QSOX1: variants seen among roughly 807,000 people sequenced by gnomAD.
The protein encoded by QSOX1 is quiescin sulfhydryl oxidase 1.
A neutral mutation model predicts 76.1 loss-of-function variants in QSOX1; 40 were observed. The ratio of observed to expected loss-of-function variants is 0.53; its 90% CI spans 0.41 to 0.68. The LOEUF is 0.68. QSOX1 is among the 30% of genes least tolerant of loss of function. The pLI is 0.00. For missense variants in QSOX1, 931 were observed against 974.3 expected, an observed-to-expected ratio of 0.96 and a Z score of 0.59; for synonymous variants, 392 against 413.1, an observed-to-expected ratio of 0.95 and a Z score of 0.62.
rs1663567093 is a variant in QSOX1 at position 180,198,712 on chromosome 1, C to A, written c.*1675C>A. The A allele has an allele frequency of 3.2e-6, 1 of 307,892 alleles. No homozygotes were observed. Among genetic ancestry groups the A allele is most frequent in the Non-Finnish European group, 6.5e-6 (1 of 153,964 alleles). The allele number at this position is 307,892 out of a possible 1,614,324, so 19.1% of individuals were successfully genotyped here. On this transcript the variant is annotated 3_prime_UTR_variant, in exon 12 of 12. Transcript: ENST00000367602. The stretch of plus-strand genomic sequence containing the variant: ...TCTCTGTGCCCCTGCTCCAGGCACC[C>A]ATTGGCTCCATCCTCCTGGTTGTGC...
intron 9 of QSOX1, 126 bp downstream of exon 9, chr1:180,189,800 C>T (rs1572053397): frequency 2.8e-6 from 3 of 1,083,602 alleles, no homozygotes; most frequent in Non-Finnish European, 3.9e-6. Context: ...TTCGTTGGGT[C>T]CTAACAATAA....
Position 180,196,750 on chromosome 1 carries a change from G to A in QSOX1, c.1957G>A (p.Ala653Thr). 1.2e-6 allele frequency: 2 copies of A among 1,614,124 alleles called. No individual in the cohort carries two copies. The highest frequency in any genetic ancestry group is 1.7e-6 in the Non-Finnish European group (2 of 1,180,026). ...GCGAGACACAGGGGCTGCATTGCTGGCTGAGTCCAGGGCTGAGAAGAACCG... is the reference window on the plus strand; with the variant it reads ...GCGAGACACAGGGGCTGCATTGCTGACTGAGTCCAGGGCTGAGAAGAACCG... ...SKRDTGAALL[A>T]ESRAEKNRLW... The change falls in exon 12 of 12, where the codon GCT becomes ACT. Residue 653 changes from alanine (A) to threonine (T), a missense_variant. Transcript: ENST00000367602. This position sits in a 1 kb window ranked among gnomAD's most constrained non-coding sequence, Gnocchi z 4.1.
At chr1:180,193,773 TC>T (rs1418503568) in intron 10 of QSOX1, among the ~76,000 whole-genome samples, 2 of 151,950 alleles carry the variant, frequency 1.3e-5, no homozygotes, top group Non-Finnish European at 2.9e-5. Context: ...GCAGGCCAGG[TC>T]CAGGCCCGAG....
At chr1:180,184,920 G>T (rs543908272) in intron 7 of QSOX1, among the ~76,000 whole-genome samples, 1 of 152,292 alleles carries the variant, frequency 6.6e-6, no homozygotes, top group African/African-American at 2.4e-5. Flanking sequence ...TGATCATTCC[G>T]TCATTATGAA....
intron 2 of QSOX1, among the ~76,000 whole-genome samples, chr1:180,167,124 C>T (rs1034125050): frequency 1.3e-5 from 2 of 152,216 alleles, no homozygotes; most frequent in Non-Finnish European, 2.9e-5. Context: ...GCCAGCCTGC[C>T]CAGTGCAGGG....
At chr1:180,191,828 C>A (rs963841635) in intron 10 of QSOX1, among the ~76,000 whole-genome samples, 1 of 152,146 alleles carries the variant, frequency 6.6e-6, no homozygotes, top group Non-Finnish European at 1.5e-5. Flanking sequence ...GCTGCACTCA[C>A]AAATGTCAGG....
intron 7 of QSOX1, among the ~76,000 whole-genome samples, chr1:180,184,863 A>C (rs1663134002): frequency 1.3e-5 from 2 of 152,246 alleles, no homozygotes; most frequent in East Asian, 3.8e-4. Flanking sequence ...GACTTTTAGT[A>C]GATCAAGGGA....
chr1:180,189,785 T>G, intron 9 of QSOX1, 111 bp downstream of exon 9: 1 of 1,258,732 alleles, frequency 7.9e-7, no homozygotes, highest in Admixed American at 2.3e-5. Context: ...AGGGAGTCAG[T>G]GATCTTCGTT....
chr1:180,183,169 G>A (rs553624281), intron 6 of QSOX1, among the ~76,000 whole-genome samples: 1 of 152,158 alleles, frequency 6.6e-6, no homozygotes, highest in South Asian at 2.1e-4. Context: ...GCTGCCTCCC[G>A]AGCCATCTGC....
intron 2 of QSOX1, among the ~76,000 whole-genome samples, chr1:180,169,865 G>A (rs1403068982): frequency 6.6e-6 from 1 of 152,254 alleles, no homozygotes; most frequent in Non-Finnish European, 1.5e-5. Context: ...TGCCACAGGA[G>A]TTTGCTGGGC....
chr1:180,192,572 T>C (rs887318722), intron 10 of QSOX1, among the ~76,000 whole-genome samples: 3 of 151,936 alleles, frequency 2.0e-5, no homozygotes, highest in Non-Finnish European at 4.4e-5. Flanking sequence ...GACTTACTGA[T>C]AGATTGGAGG....
intron 10 of QSOX1, among the ~76,000 whole-genome samples, chr1:180,192,279 G>A (rs956748591): frequency 6.6e-6 from 1 of 152,172 alleles, no homozygotes; most frequent in African/African-American, 2.4e-5. Flanking sequence ...AGACAGGCCG[G>A]GGGCGGAGGT....
intron 2 of QSOX1, among the ~76,000 whole-genome samples, chr1:180,169,047 C>G (rs186519822): frequency 6.6e-6 from 1 of 152,390 alleles, no homozygotes; most frequent in African/African-American, 2.4e-5. Flanking sequence ...TGTCTCCAGC[C>G]CCTTGTCACT....
rs145708234 is a variant in QSOX1 at position 180,196,583 on chromosome 1, C to T, written c.1790C>T (p.Pro597Leu). 1,558 of 1,614,174 alleles carry T rather than the reference C, an allele frequency of 9.7e-4. 24 individuals carry two copies. In the South Asian group the frequency reaches 0.015, roughly 16 times the overall value. ...CCCACAAACACCACCCCACATGTGC[C>T]GGCTGAGGGACCTGAGGCAAGTCGA... is the stretch of plus-strand genomic sequence containing the variant. ...KSPTNTTPHV[P>L]AEGPEASRPP... Residue 597 changes from proline to leucine, a missense_variant, in exon 12 of 12, where the codon CCG becomes CTG. By Grantham distance (98) the Pro-to-Leu change is moderately conservative (BLOSUM62 -3). Coordinates refer to ENST00000367602, the MANE Select transcript of QSOX1 (RefSeq NM_002826.5). The surrounding 1 kb of genome is among the most constrained non-coding windows in gnomAD (Gnocchi z 4.1).
intron 10 of QSOX1, 87 bp from the exon 11 acceptor site, chr1:180,194,126 G>A: frequency 2.3e-6 from 3 of 1,322,716 alleles, no homozygotes; most frequent in Non-Finnish European, 3.1e-6. Context: ...ACGGCAGGAT[G>A]GGGGGCGGCA....
rs912124066 is a variant in QSOX1 at position 180,204,025 on chromosome 1, A to T, written c.*6988A>T. On this transcript the variant is annotated 3_prime_UTR_variant, in exon 12 of 12. Coordinates refer to ENST00000367602, the MANE Select transcript of QSOX1 (RefSeq NM_002826.5). ...CCTACTGAAAATAAAGGGCCTAAAG[A>T]CTGAATGAGAGATGCAATTTTTTTT... 5.3e-5 allele frequency: 8 copies of T among 152,188 alleles called. No homozygotes were observed. Among genetic ancestry groups the T allele is most frequent in the Non-Finnish European group, 1.0e-4 (7 of 68,040 alleles). The allele number at this position is 152,188 out of a possible 1,614,324, so 9.4% of individuals were successfully genotyped here.
At chr1:180,174,526 C>T (rs544768774) in intron 2 of QSOX1, among the ~76,000 whole-genome samples, 4 of 152,308 alleles carry the variant, frequency 2.6e-5, no homozygotes, top group African/African-American at 9.6e-5. Flanking sequence ...AGCCTGTAAG[C>T]CCCTTTTCCC....
intron 2 of QSOX1, among the ~76,000 whole-genome samples, chr1:180,169,578 C>G (rs1662716301): frequency 1.3e-5 from 2 of 152,222 alleles, no homozygotes; most frequent in African/African-American, 4.8e-5. Flanking sequence ...CTCCCATATG[C>G]AAGTGCCACC....
intron 6 of QSOX1, 85 bp from the exon 7 acceptor site, chr1:180,183,831 C>T: frequency 7.1e-7 from 1 of 1,409,956 alleles, no homozygotes; most frequent in Non-Finnish European, 9.7e-7. Flanking sequence ...CGATGAGCCA[C>T]CCTTCTTCCT....
Sources: allele counts gnomAD v4.1 joint callset (sites outside exome capture counted in the v4.1 genomes callset), GRCh38; gene constraint gnomAD v4.1.1; non-coding constraint Gnocchi (gnomAD v3.1); transcripts MANE v1.5; gene names NCBI Gene and HGNC (gene_info 2026-07-23, HGNC 2026-07-21).